HTR4: variants seen among roughly 807,000 people sequenced by gnomAD.
The protein encoded by HTR4 is 5-hydroxytryptamine (serotonin) receptor 4, G protein-coupled.
HTR4 carries 16 observed loss-of-function variants against 36.8 expected under a neutral mutation model. The ratio of observed to expected loss-of-function variants is 0.43; its 90% confidence interval spans 0.29 to 0.66. The LOEUF (loss-of-function observed/expected upper bound fraction) is 0.66. HTR4 is among the 30% of genes least tolerant of loss of function. The pLI, the probability that HTR4 is intolerant of heterozygous loss-of-function variation, is 0.13. For synonymous variants in HTR4, 189 were observed against 185.1 expected, an observed-to-expected ratio of 1.02 and a Z score of -0.17; for missense variants, 438 against 490.9, an observed-to-expected ratio of 0.89 and a Z score of 1.02.
At chr5:148,528,157 A>C (rs1758377923) in intron 4 of HTR4, among the ~76,000 whole-genome samples, 1 of 152,146 alleles carries the variant, frequency 6.6e-6, no homozygotes, top group Non-Finnish European at 1.5e-5. Context: ...ATTTTACTTA[A>C]ATTTAAATTA....
chr5:148,491,634 C>T (rs1756449221), intron 6 of HTR4, among the ~76,000 whole-genome samples: 1 of 152,102 alleles, frequency 6.6e-6, no homozygotes, highest in African/African-American at 2.4e-5. Context: ...ACCAAAAATG[C>T]CACCAGATAT....
chr5:148,589,582 A>G (rs1053879475), intron 2 of HTR4, among the ~76,000 whole-genome samples: 17 of 152,156 alleles, frequency 1.1e-4, no homozygotes, highest in African/African-American at 4.1e-4. Context: ...AAGAAATTTT[A>G]TATCTTGGCT....
At chr5:148,587,728 G>C (rs1166137562) in intron 2 of HTR4, among the ~76,000 whole-genome samples, 1 of 152,142 alleles carries the variant, frequency 6.6e-6, no homozygotes, top group Admixed American at 6.5e-5. Context: ...GGGAGAGAAT[G>C]GTGTTACTTT....
intron 4 of HTR4, among the ~76,000 whole-genome samples, chr5:148,529,675 G>A (rs772454216): frequency 6.6e-5 from 10 of 152,338 alleles, no homozygotes; most frequent in East Asian, 1.9e-4. Context: ...AAAGATAACC[G>A]AAAATGTGGA....
intron 4 of HTR4, among the ~76,000 whole-genome samples, chr5:148,530,196 A>C (rs1445940371): frequency 6.6e-6 from 1 of 152,240 alleles, no homozygotes; most frequent in African/African-American, 2.4e-5. Context: ...CTGGCTGCAG[A>C]AACTTCCATA....
At chr5:148,491,419 C>T (rs1025862889) in intron 6 of HTR4, among the ~76,000 whole-genome samples, 1 of 152,040 alleles carries the variant, frequency 6.6e-6, no homozygotes, top group Non-Finnish European at 1.5e-5. Context: ...AAAGACCTCT[C>T]CTGCTGTCCT....
chr5:148,607,862 T>C (rs558839575), intron 2 of HTR4, among the ~76,000 whole-genome samples: 1 of 152,300 alleles, frequency 6.6e-6, no homozygotes, highest in Admixed American at 6.5e-5. Context: ...GAAGTCAACT[T>C]TAGGGAAGTC....
At position 148,555,946 on chromosome 5, in the gene HTR4, T is replaced by TCTCACA. The variant is rs142103382; in HGVS notation, c.27-5685_27-5684insTGTGAG. Among the ~76,000 whole-genome samples the TCTCACA allele has an allele frequency of 6.3e-3, 945 of 149,848 alleles. 11 individuals carry two copies. Among genetic ancestry groups the TCTCACA allele is most frequent in the African/African-American group, 0.022 (904 of 40,724 alleles). ...AAAGGAAATCTTAGGTTATACTTTG[T>TCTCACA]CACACACACACACACACACACACAC... On this transcript the variant is annotated intron_variant, in intron 2 of 6. Transcript: ENST00000377888.
chr5:148,468,082 G>GAGGT lies in HTR4; in HGVS notation c.1077-16814_1077-16811dup, dbSNP rs1755473945. Among the ~76,000 whole-genome samples the GAGGT allele has an allele frequency of 5.3e-5, 8 of 152,346 alleles. 1 individual carries two copies. Among genetic ancestry groups the GAGGT allele is most frequent in the African/African-American group, 1.9e-4 (8 of 41,580 alleles). On this transcript the variant is annotated intron_variant, in intron 5 of 5. Coordinates refer to the HTR4 transcript ENST00000521530. The stretch of plus-strand genomic sequence containing the variant: ...TAGCCTGTCAGCCTGGGATAGAGCT[G>GAGGT]AGGTAGGTCACAGGCCTAGGAAGCA...
chr5:148,537,426 T>C (rs964636291), intron 4 of HTR4, among the ~76,000 whole-genome samples: 2 of 151,838 alleles, frequency 1.3e-5, no homozygotes, highest in Admixed American at 1.3e-4. Context: ...CAAAAAAACA[T>C]TCAAAAGATC....
chr5:148,452,440 ATTTTGGAAGCAT>A (rs1218886800), intron 5 of HTR4, among the ~76,000 whole-genome samples: 3 of 152,176 alleles, frequency 2.0e-5, no homozygotes, highest in Non-Finnish European at 4.4e-5. Context: ...CCCAGGGGCC[ATTTTGGAAGCAT>A]TTTTGGTTGT....
intron 2 of HTR4, among the ~76,000 whole-genome samples, chr5:148,624,224 C>T (rs2127295564): frequency 6.6e-6 from 1 of 152,306 alleles, no homozygotes; most frequent in South Asian, 2.1e-4. Flanking sequence ...TCTGTAAATT[C>T]TACAAATAGC....
At chr5:148,590,379 A>G (rs1304613704) in intron 2 of HTR4, among the ~76,000 whole-genome samples, 1 of 124,334 alleles carries the variant, frequency 8.0e-6, no homozygotes, top group Admixed American at 9.9e-5. Context: ...GCTCACCACA[A>G]CCTCCACCTC....
intron 4 of HTR4, among the ~76,000 whole-genome samples, chr5:148,546,638 T>C (rs80210793): frequency 6.6e-6 from 1 of 151,990 alleles, no homozygotes; most frequent in Admixed American, 6.6e-5. Flanking sequence ...CTTTCTCCCA[T>C]TTTTTTTCCT....
At chr5:148,534,798 G>C (rs1758734198) in intron 4 of HTR4, among the ~76,000 whole-genome samples, 1 of 151,968 alleles carries the variant, frequency 6.6e-6, no homozygotes, top group Non-Finnish European at 1.5e-5. Context: ...AATCTCTCTG[G>C]GGTGGAGCCT....
At chr5:148,481,121 T>C (rs1410347193), downstream of HTR4, among the ~76,000 whole-genome samples, 1 of 152,026 alleles carries the variant, frequency 6.6e-6, no homozygotes, top group Non-Finnish European at 1.5e-5. Context: ...CCACAGCAGA[T>C]TGGTTGGGTC....
At chr5:148,638,137 G>C (rs1753611935) in intron 1 of HTR4, among the ~76,000 whole-genome samples, 1 of 152,184 alleles carries the variant, frequency 6.6e-6, no homozygotes, top group South Asian at 2.1e-4. Context: ...GCCACGAAGA[G>C]AATGGCAGAT....
chr5:148,616,750 T>C (rs1752706097), intron 2 of HTR4, among the ~76,000 whole-genome samples: 1 of 149,960 alleles, frequency 6.7e-6, no homozygotes, highest in South Asian at 2.1e-4. Flanking sequence ...GATTTTTTTC[T>C]GTACATACAC....
At chr5:148,494,555 C>T (rs1450250073) in intron 6 of HTR4, among the ~76,000 whole-genome samples, 9 of 152,222 alleles carry the variant, frequency 5.9e-5, no homozygotes, top group South Asian at 4.1e-4. Flanking sequence ...ACACTAATGT[C>T]GTACATGGAA....
Sources: allele counts gnomAD v4.1 joint callset (sites outside exome capture counted in the v4.1 genomes callset), GRCh38; gene constraint gnomAD v4.1.1; transcripts MANE v1.5; gene names NCBI Gene and HGNC (gene_info 2026-07-23, HGNC 2026-07-21).